Variants in USP47 observed in about 807,000 individuals in gnomAD.
USP47 encodes the protein ubiquitin specific peptidase 47, also known as ubiquitin carboxyl-terminal hydrolase 47.
Under a neutral mutation model 165.1 loss-of-function variants are expected in USP47, and 35 were observed. The observed-to-expected ratio is 0.21, with a 90% confidence interval of 0.16 to 0.28. The LOEUF (loss-of-function observed/expected upper bound fraction) is 0.28. Ranked by LOEUF, USP47 falls within the 10% of genes least tolerant of loss-of-function variation. USP47 has a pLI of 1.00. For synonymous variants in USP47, 531 were observed against 544.5 expected, an observed-to-expected ratio of 0.98 and a Z score of 0.35; for missense variants, 1,277 against 1,607.4, an observed-to-expected ratio of 0.79 and a Z score of 3.52.
At chr11:11,900,327 A>AT (rs1209507539) in intron 5 of USP47, among the ~76,000 whole-genome samples, 1 of 151,598 alleles carries the variant, frequency 6.6e-6, no homozygotes, top group African/African-American at 2.4e-5. Flanking sequence ...CGCCAGGCTA[A>AT]TTTTTTGTAT....
chr11:11,882,213 A>G (rs914629557), intron 2 of USP47, among the ~76,000 whole-genome samples: 1 of 152,140 alleles, frequency 6.6e-6, no homozygotes, highest in African/African-American at 2.4e-5. Context: ...TATACTCTTA[A>G]ATCCCAGATA....
chr11:11,902,660 C>T (rs1344625584), intron 5 of USP47, 55 bp from the exon 6 acceptor site: 1 of 1,225,744 alleles, frequency 8.2e-7, no homozygotes, highest in South Asian at 2.4e-5. Flanking sequence ...ATTAATTATG[C>T]TTTTAAATAA....
At chr11:11,875,555 T>C (rs1850356476) in intron 1 of USP47, among the ~76,000 whole-genome samples, 1 of 152,210 alleles carries the variant, frequency 6.6e-6, no homozygotes, top group South Asian at 2.1e-4. Context: ...TCAGTGCTTT[T>C]TATCCCAATA....
rs758415441 is a variant in USP47, at chr11:11,940,434, C to G, written c.2199C>G (p.Ile733Met). ...TTAAATTGCTTTCATTATAGGCCATCCATTTACCTGCTGAAACAATGAGAA... is the reference window on the plus strand; with the variant it reads ...TTAAATTGCTTTCATTATAGGCCATGCATTTACCTGCTGAAACAATGAGAA... ...TEFKQLISKA[I>M]HLPAETMRIV... is the part of the protein sequence containing the mutation. The change falls in exon 19 of 28, where the codon ATC (isoleucine) becomes ATG (methionine). Residue 733 changes from isoleucine (I) to methionine (M), a missense_variant. By Grantham distance (10) the Ile-to-Met change is conservative. Transcript: ENST00000527733. 2.1e-5 allele frequency: 33 copies of G among 1,607,374 alleles called. No homozygotes were observed. Among genetic ancestry groups the G allele is most frequent in the Non-Finnish European group, 2.6e-5 (30 of 1,176,344 alleles).
At position 11,957,081 on chromosome 11, in the gene USP47, T is replaced by G. The variant is rs1847235930; in HGVS notation, c.*906T>G. 1 of 152,214 alleles carries G rather than the reference T, an allele frequency of 6.6e-6. No individual in the cohort carries two copies. Among genetic ancestry groups the G allele is most frequent in the African/African-American group, 2.4e-5 (1 of 41,456 alleles). 9.4% of individuals were successfully genotyped at this position (152,214 alleles called of 1,614,324 possible). A position where few individuals can be genotyped will look rare whatever the true frequency, so the allele number is the denominator to read the frequency against. ...TCCTCAGTGCTAGGTCCCATAGGAT[T>G]GTCGTTGCCCTTGTTAATGAGGTTT... On this transcript the variant is annotated 3_prime_UTR_variant, in exon 28 of 28. Transcript: ENST00000527733.
chr11:11,866,877 A>AT (rs72527617), intron 1 of USP47, among the ~76,000 whole-genome samples: 44 of 145,172 alleles, frequency 3.0e-4, no homozygotes, highest in South Asian at 6.5e-4. Flanking sequence ...CTCTGACTGC[A>AT]TTTTTTTTTT....
chr11:11,853,771 T>A (rs529036392), intron 1 of USP47, among the ~76,000 whole-genome samples: 1 of 152,316 alleles, frequency 6.6e-6, no homozygotes, highest in South Asian at 2.1e-4. Context: ...ATTACAGTTT[T>A]TACAAAAATT....
intron 1 of USP47, among the ~76,000 whole-genome samples, chr11:11,869,444 T>C (rs1217758512): frequency 1.3e-5 from 2 of 149,906 alleles, no homozygotes; most frequent in Non-Finnish European, 3.0e-5. Flanking sequence ...TGTAGGTCTC[T>C]ATTGTGACAT....
At position 11,943,128 on chromosome 11, in the gene USP47, G is replaced by GA; in HGVS notation, c.3091+21dup. 6.3e-7 allele frequency: 1 copy of GA among 1,575,330 alleles called. No individual in the cohort carries two copies. The highest frequency in any genetic ancestry group is 8.6e-7 in the Non-Finnish European group (1 of 1,163,446). On this transcript the variant is annotated intron_variant, in intron 20 of 27. Coordinates refer to ENST00000527733, the MANE Select transcript of USP47 (RefSeq NM_001282659.2). ...GGACATAAATGTATGTACTTCAAAAGAAAAACGGTCCTTGAAACAGCATCA... is the reference window on the plus strand; with the variant it reads ...GGACATAAATGTATGTACTTCAAAAGAAAAAACGGTCCTTGAAACAGCATCA...
chr11:11,906,599 C>A (rs2134475907), intron 8 of USP47, among the ~76,000 whole-genome samples: 1 of 152,242 alleles, frequency 6.6e-6, no homozygotes, highest in Non-Finnish European at 1.5e-5. Flanking sequence ...AAGACCTTTT[C>A]TGGGTAGCGT....
At chr11:11,855,526 A>G (rs1848989477) in intron 1 of USP47, among the ~76,000 whole-genome samples, 1 of 152,324 alleles carries the variant, frequency 6.6e-6, no homozygotes, top group African/African-American at 2.4e-5. Flanking sequence ...AATTAAAGAA[A>G]GCCTAAGTGA....
intron 1 of USP47, among the ~76,000 whole-genome samples, chr11:11,856,055 C>T (rs1267229486): frequency 1.3e-5 from 2 of 152,138 alleles, no homozygotes; most frequent in African/African-American, 4.8e-5. Flanking sequence ...GTGTTCAAAA[C>T]AAGAAAGTTT....
At chr11:11,894,719 C>T (rs1264969164) in intron 4 of USP47, among the ~76,000 whole-genome samples, 1 of 152,200 alleles carries the variant, frequency 6.6e-6, no homozygotes, top group East Asian at 1.9e-4. Flanking sequence ...GTACTAACTT[C>T]AACTTCCTGT....
chr11:11,924,521 G>A (rs1210217588), intron 11 of USP47, among the ~76,000 whole-genome samples: 1 of 152,194 alleles, frequency 6.6e-6, no homozygotes, highest in Non-Finnish European at 1.5e-5. Flanking sequence ...GGAAGAGATT[G>A]TGGAAACTTG....
At chr11:11,859,150 A>G (rs1343991752) in intron 1 of USP47, among the ~76,000 whole-genome samples, 1 of 152,142 alleles carries the variant, frequency 6.6e-6, no homozygotes, top group African/African-American at 2.4e-5. Context: ...TGTACTTAAT[A>G]CTGGTTTTTA....
chr11:11,862,630 T>A (rs1590244460), intron 1 of USP47, among the ~76,000 whole-genome samples: 1 of 152,352 alleles, frequency 6.6e-6, no homozygotes, highest in South Asian at 2.1e-4. Flanking sequence ...CAGCTAGATA[T>A]TCTGGATGTA....
intron 3 of USP47, among the ~76,000 whole-genome samples, chr11:11,886,331 A>G (rs1042058046): frequency 6.6e-6 from 1 of 152,186 alleles, no homozygotes; most frequent in South Asian, 2.1e-4. Context: ...AACCTAATGT[A>G]AAGAAGCTAA....
chr11:11,933,578 G>A (rs1266758411), intron 15 of USP47, among the ~76,000 whole-genome samples: 8 of 151,950 alleles, frequency 5.3e-5, no homozygotes, highest in African/African-American at 1.9e-4. Context: ...ATATTGGTAG[G>A]GGAATGATTA....
intron 16 of USP47, 44 bp from the exon 17 acceptor site, chr11:11,936,259 T>C (rs771900301): frequency 1.0e-5 from 10 of 1,001,002 alleles, no homozygotes; most frequent in Non-Finnish European, 1.3e-5. Flanking sequence ...TATAAATATA[T>C]ATGTATATAT....
Sources: gnomAD v4.1 joint callset for allele counts (sites outside exome capture counted in the v4.1 genomes callset) on GRCh38, gnomAD v4.1.1 for gene constraint, MANE v1.5 for transcripts, NCBI Gene and HGNC (gene_info 2026-07-23, HGNC 2026-07-21) for gene names.